The following DZIP3 variants were observed in gnomAD, a reference collection of about 807,000 sequenced individuals.
DZIP3 encodes DAZ interacting zinc finger protein 3, also known as E3 ubiquitin-protein ligase DZIP3.
In DZIP3, 118 loss-of-function variants were observed where a neutral mutation model predicts 162.0. The observed-to-expected ratio is 0.73, with a 90% CI of 0.63 to 0.85. The LOEUF is 0.85. Ranked by LOEUF, DZIP3 falls within the 40% of genes least tolerant of loss-of-function variation. The pLI is 0.00. For missense variants in DZIP3, 1,331 were observed against 1,407.0 expected (o/e 0.95, Z 0.86); for synonymous variants, 438 against 458.6 (o/e 0.96, Z 0.57).
At chr3:108,635,116 C>T (rs1942078181) in intron 10 of DZIP3, 144 bp downstream of exon 10, 1 of 523,600 alleles carries the variant, frequency 1.9e-6, no homozygotes, top group Non-Finnish European at 3.4e-6. Context: ...TTACTTCCTT[C>T]TTTGTTCTTT....
intron 14 of DZIP3, among the ~76,000 whole-genome samples, chr3:108,645,667 T>C (rs970468535): frequency 6.6e-6 from 1 of 152,220 alleles, no homozygotes; most frequent in Non-Finnish European, 1.5e-5. Flanking sequence ...ACCACACTGA[T>C]GCTATATAAA....
intron 26 of DZIP3, among the ~76,000 whole-genome samples, 200 bp downstream of exon 26, chr3:108,677,798 G>T (rs559632887): frequency 1.2e-3 from 179 of 152,128 alleles, no homozygotes; most frequent in African/African-American, 4.1e-3. Context: ...ACAATAGGTT[G>T]TATCACTGGA....
intron 1 of DZIP3, among the ~76,000 whole-genome samples, chr3:108,596,585 A>G (rs1939725782): frequency 6.6e-6 from 1 of 152,222 alleles, no homozygotes; most frequent in Admixed American, 6.5e-5. Flanking sequence ...TACTTGTAGC[A>G]TATGAGCTGC....
At chr3:108,600,740 A>C (rs1229899771) in intron 1 of DZIP3, among the ~76,000 whole-genome samples, 5 of 152,124 alleles carry the variant, frequency 3.3e-5, no homozygotes, top group Non-Finnish European at 5.9e-5. Flanking sequence ...GCCAGGTACT[A>C]TTCTGTCTTT....
chr3:108,618,990 G>A (rs1364397365), intron 5 of DZIP3, among the ~76,000 whole-genome samples: 7 of 148,458 alleles, frequency 4.7e-5, no homozygotes. Flanking sequence ...GAACCCAGGA[G>A]GCAGAGGTTG....
At chr3:108,631,057 T>TACACACACACACACACATACA (rs1373144207) in intron 8 of DZIP3, among the ~76,000 whole-genome samples, 1 of 39,844 alleles carries the variant, frequency 2.5e-5, no homozygotes, top group African/African-American at 1.1e-4. Flanking sequence ...ACACACACAC[T>TACACACACACACACACATACA]CTCTCTCTCT....
chr3:108,590,330 T>G (rs901346768), intron 1 of DZIP3, among the ~76,000 whole-genome samples: 1 of 152,216 alleles, frequency 6.6e-6, no homozygotes, highest in African/African-American at 2.4e-5. Context: ...TAGGGTACAT[T>G]TCCATTTAAT....
chr3:108,621,779 T>C (rs1363485691), intron 5 of DZIP3, among the ~76,000 whole-genome samples: 3 of 152,044 alleles, frequency 2.0e-5, no homozygotes, highest in Non-Finnish European at 4.4e-5. Context: ...AGAAAGAAAA[T>C]CAGTGTATCA....
intron 22 of DZIP3, among the ~76,000 whole-genome samples, chr3:108,671,937 T>G (rs549041051): frequency 6.6e-6 from 1 of 151,968 alleles, no homozygotes; most frequent in South Asian, 2.1e-4. Context: ...AAAATACCAT[T>G]GATTGGGTGG....
At chr3:108,658,493 G>A (rs1373945307) in intron 19 of DZIP3, among the ~76,000 whole-genome samples, 4 of 151,554 alleles carry the variant, frequency 2.6e-5, no homozygotes, top group Admixed American at 6.6e-5. Context: ...TCAAAGCAGT[G>A]TGTAGAGGGA....
At chr3:108,612,364 C>T (rs578142464) in intron 4 of DZIP3, among the ~76,000 whole-genome samples, 97 of 152,076 alleles carry the variant, frequency 6.4e-4, no homozygotes, top group Admixed American at 1.0e-3. Context: ...TAACCTTAAC[C>T]GAGATAATTT....
At position 108,644,649 on chromosome 3, in the gene DZIP3, A is replaced by G. The variant is rs146975894; in HGVS notation, c.1627A>G (p.Met543Val). The G allele has an allele frequency of 3.6e-4, 585 of 1,614,070 alleles. No individual in the cohort carries two copies. Among genetic ancestry groups the G allele is most frequent in the Admixed American group, 1.2e-3 (75 of 60,010 alleles). ...AGATATTCTTCTGCGCCTTGGGATG[A>G]TGCAAGAGGATATTGACAAAGTGAA... ...VSDILLRLGM[M>V]QEDIDKVKEN... Residue 543 changes from methionine (M) to valine (V), a missense_variant, in exon 14 of 33, where the codon ATG (methionine) becomes GTG (valine). Physicochemically the swap from Met to Val is conservative, Grantham distance 21. Around this residue, in one of 2 missense-constraint regions of DZIP3, gnomAD observed 1,278 missense variants for 1,317.1 expected, o/e 0.97. Transcript: ENST00000361582.
intron 1 of DZIP3, among the ~76,000 whole-genome samples, chr3:108,600,698 T>C (rs1440256221): frequency 6.6e-6 from 1 of 152,206 alleles, no homozygotes; most frequent in African/African-American, 2.4e-5. Context: ...AAAATGGTGA[T>C]GATAGGAACA....
intron 22 of DZIP3, 71 bp from the exon 23 acceptor site, chr3:108,672,489 T>A (rs953809624): frequency 8.0e-6 from 10 of 1,248,530 alleles, no homozygotes; most frequent in Non-Finnish European, 8.1e-6. Context: ...TTATCTTTCT[T>A]CCTCCTGAAT....
chr3:108,612,357 C>T (rs1236877971), intron 4 of DZIP3, among the ~76,000 whole-genome samples: 1 of 152,022 alleles, frequency 6.6e-6, no homozygotes, highest in Admixed American at 6.6e-5. Flanking sequence ...ACAATTATAA[C>T]CTTAACCGAG....
At chr3:108,637,385 C>T in intron 11 of DZIP3, 111 bp from the exon 12 acceptor site, 2 of 944,990 alleles carry the variant, frequency 2.1e-6, no homozygotes, top group Non-Finnish European at 3.3e-6. Flanking sequence ...GTTTTATATT[C>T]ACTGTGGCTT....
At chr3:108,615,702 T>G (rs750600710) in intron 4 of DZIP3, among the ~76,000 whole-genome samples, 53 of 152,202 alleles carry the variant, frequency 3.5e-4, no homozygotes, top group Non-Finnish European at 3.2e-4. Context: ...AAAGACATAG[T>G]CCTACCTTTC....
intron 15 of DZIP3, among the ~76,000 whole-genome samples, chr3:108,646,956 G>A (rs1942649553): frequency 6.6e-6 from 1 of 152,146 alleles, no homozygotes; most frequent in Admixed American, 6.5e-5. Flanking sequence ...CAGGAAAATT[G>A]CTTGAACATG....
Position 108,686,420 on chromosome 3 carries a change from GGCTATA to G in DZIP3, c.3010-21_3010-16del, listed in dbSNP as rs767105344. ...CACTTCTTAATAATTAAACCTGCTG[GGCTATA>G]GCTCTCTGCCTCTTACAGATGACTG... On this transcript the variant is annotated intron_variant, in intron 27 of 32. Transcript: ENST00000361582. 313 of 1,527,356 alleles carry G rather than the reference GGCTATA, an allele frequency of 2.0e-4. No individual in the cohort carries two copies. Among genetic ancestry groups the G allele is most frequent in the Non-Finnish European group, 2.5e-4 (285 of 1,141,678 alleles). 94.6% of individuals were successfully genotyped at this position (1,527,356 alleles called of 1,614,324 possible).
Sources: gnomAD v4.1 joint callset for allele counts (sites outside exome capture counted in the v4.1 genomes callset) on GRCh38, gnomAD v4.1.1 for gene constraint, gnomAD v4.1.1 regional missense constraint, MANE v1.5 for transcripts, NCBI Gene and HGNC (gene_info 2026-07-23, HGNC 2026-07-21) for gene names.